Variants in NSD1 observed in about 807,000 individuals in gnomAD.
The protein encoded by NSD1 is histone-lysine N-methyltransferase, H3 lysine-36 specific.
Under a neutral mutation model 242.7 loss-of-function variants are expected in NSD1, and 26 were observed. The ratio of observed to expected loss-of-function variants is 0.11; its 90% CI spans 0.08 to 0.15. The LOEUF (loss-of-function observed/expected upper bound fraction) is 0.15. NSD1 is among the 10% of genes least tolerant of loss of function. NSD1 has a pLI of 1.00. For missense variants in NSD1, 2,495 were observed against 3,272.8 expected, an observed-to-expected ratio of 0.76 and a Z score of 5.80; for synonymous variants, 1,106 against 1,178.1, an observed-to-expected ratio of 0.94 and a Z score of 1.25.
intron 4 of NSD1, among the ~76,000 whole-genome samples, chr5:177,209,347 G>T (rs886210430): frequency 6.6e-6 from 1 of 151,704 alleles, no homozygotes; most frequent in African/African-American, 2.4e-5. Context: ...GGCCAATATG[G>T]TGAAACCCCT....
chr5:177,264,650 C>T, intron 14 of NSD1: 1 of 448,048 alleles, frequency 2.2e-6, no homozygotes, highest in South Asian at 2.1e-5. Flanking sequence ...GAAACACACC[C>T]CTGGCCCCAA....
intron 2 of NSD1, among the ~76,000 whole-genome samples, chr5:177,150,140 A>T (rs908859991): frequency 1.3e-5 from 2 of 149,026 alleles, no homozygotes; most frequent in Non-Finnish European, 3.0e-5. Context: ...TTATTTATTT[A>T]TTTATTTTTT....
chr5:177,166,167 C>G (rs575225203), intron 2 of NSD1, among the ~76,000 whole-genome samples: 2 of 151,374 alleles, frequency 1.3e-5, no homozygotes, highest in Non-Finnish European at 2.9e-5. Context: ...CCCACCTTGG[C>G]CTCCCAAAGT....
chr5:177,268,032 C>T (rs1273749025), intron 15 of NSD1, among the ~76,000 whole-genome samples: 2 of 148,032 alleles, frequency 1.4e-5, no homozygotes, highest in Non-Finnish European at 3.0e-5. Context: ...GGCATATGTA[C>T]TCCCAGACGT....
At chr5:177,133,218 G>C (rs942000387), upstream of NSD1, 4 of 152,804 alleles carry the variant, frequency 2.6e-5, no homozygotes. The surrounding 1 kb of genome is among the most constrained non-coding windows in gnomAD (Gnocchi z 6.2). Flanking sequence ...GCTGAGGGCA[G>C]GTGCCCAGTG....
At chr5:177,218,763 G>T (rs1763998446) in intron 5 of NSD1, among the ~76,000 whole-genome samples, 2 of 151,340 alleles carry the variant, frequency 1.3e-5, no homozygotes, top group South Asian at 2.1e-4. Context: ...AGTAGACAGG[G>T]TTTCACCATG....
chr5:177,300,123 C>G lies in NSD1; in HGVS notation c.*4664C>G, dbSNP rs1760524645. 1 of 220,952 alleles carries G rather than the reference C, an allele frequency of 4.5e-6. No individual in the cohort carries two copies. Among genetic ancestry groups the G allele is most frequent in the Admixed American group, 6.1e-5 (1 of 16,366 alleles). The allele number at this position is 220,952 out of a possible 1,614,324, so 13.7% of individuals were successfully genotyped here. A position where few individuals can be genotyped will look rare whatever the true frequency, so the allele number is the denominator to read the frequency against. On this transcript the variant is annotated 3_prime_UTR_variant, in exon 23 of 23. Transcript: ENST00000439151. ...AAACTCCTAGTGAAAAAGAGGGGAG[C>G]CCTGTGTTAGGAGTCCCCATAAACA...
At chr5:177,235,995 A>T (rs758540634) in intron 6 of NSD1, 50 bp downstream of exon 6, 5 of 1,596,992 alleles carry the variant, frequency 3.1e-6, no homozygotes, top group Non-Finnish European at 4.3e-6. Context: ...GGAAACTGCA[A>T]TTTTATCTTC....
intron 16 of NSD1, 82 bp from the exon 17 acceptor site, chr5:177,273,590 G>A (rs926456903): frequency 9.0e-7 from 1 of 1,111,096 alleles, no homozygotes; most frequent in Non-Finnish European, 1.4e-6. Flanking sequence ...CCAACTTAAA[G>A]GGGAAAAAGT....
chr5:177,183,766 C>G (rs1194965120), intron 2 of NSD1, among the ~76,000 whole-genome samples: 1 of 152,022 alleles, frequency 6.6e-6, no homozygotes, highest in Admixed American at 6.6e-5. Flanking sequence ...TTTTCTTTAA[C>G]CGTCCTCACT....
chr5:177,132,300 G>C (rs1755934399), upstream of NSD1, among the ~76,000 whole-genome samples: 2 of 151,594 alleles, frequency 1.3e-5, no homozygotes, highest in African/African-American at 2.4e-5. The surrounding 1 kb of genome is among the most constrained non-coding windows in gnomAD (Gnocchi z 7.5). Flanking sequence ...GGTGGCACGA[G>C]AGGGCCATCT....
intron 2 of NSD1, among the ~76,000 whole-genome samples, chr5:177,152,022 G>A (rs1390207859): frequency 1.3e-5 from 2 of 151,822 alleles, no homozygotes; most frequent in Admixed American, 6.6e-5. Flanking sequence ...CACCACACCC[G>A]GCTAATTTTT....
Position 177,238,610 on chromosome 5 carries a change from T to C in NSD1, c.4192+103T>C. Reference sequence around the variant, plus strand: ...AAGCCAACATTGTATCTATATACAATAAACTACCCCCTTTTGTCCTGGGAA... The same window carrying C: ...AAGCCAACATTGTATCTATATACAACAAACTACCCCCTTTTGTCCTGGGAA... On this transcript the variant is annotated intron_variant, in intron 7 of 22. Transcript: ENST00000439151. This position sits in a 1 kb window ranked among gnomAD's most constrained non-coding sequence, Gnocchi z 4.6. 1 of 1,297,580 alleles carries C rather than the reference T, an allele frequency of 7.7e-7. No individual in the cohort carries two copies. The highest frequency in any genetic ancestry group is 1.2e-5 in the South Asian group (1 of 84,058). 80.4% of individuals were successfully genotyped at this position (1,297,580 alleles called of 1,614,324 possible). A position where few individuals can be genotyped will look rare whatever the true frequency, so the allele number is the denominator to read the frequency against.
chr5:177,226,767 C>T (rs1055410738), intron 5 of NSD1, among the ~76,000 whole-genome samples: 2 of 151,850 alleles, frequency 1.3e-5, no homozygotes, highest in African/African-American at 4.8e-5. Flanking sequence ...CCAGTCTAAC[C>T]ACCCCCTTTT....
rs764409548 is a variant in NSD1, at chr5:177,210,764, A to G, written c.2365A>G (p.Ser789Gly). Residue 789 changes from serine to glycine, a missense_variant, in exon 5 of 23, where the codon AGT becomes GGT. Physicochemically the swap from Ser to Gly is moderately conservative, Grantham distance 56. Transcript: ENST00000439151. Reference protein sequence around the residue: ...HSKSKQPKFRSIKCKHKENPV... With the variant: ...HSKSKQPKFRGIKCKHKENPV... ...GAAAAGCAAACAGCCCAAGTTCCGA[A>G]GTATAAAGTGCAAACACAAAGAAAA... 5.0e-6 allele frequency: 8 copies of G among 1,614,238 alleles called. No individual in the cohort carries two copies. In the South Asian group the frequency reaches 7.7e-5, roughly 16 times the overall value.
intron 2 of NSD1, among the ~76,000 whole-genome samples, chr5:177,191,227 C>T (rs564990650): frequency 6.6e-6 from 1 of 152,196 alleles, no homozygotes; most frequent in South Asian, 2.1e-4. Flanking sequence ...GCCTCGGCCT[C>T]CCAAAGTGCT....
chr5:177,214,238 A>G (rs148867768), intron 5 of NSD1, among the ~76,000 whole-genome samples: 1,593 of 152,294 alleles, frequency 0.01, 9 homozygotes, highest in Non-Finnish European at 0.016. Flanking sequence ...AGGCTGAGGT[A>G]GGAGAATCAC....
chr5:177,132,760 C>G (rs1390497732), upstream of NSD1, among the ~76,000 whole-genome samples: 1 of 151,570 alleles, frequency 6.6e-6, no homozygotes. The surrounding 1 kb of genome is among the most constrained non-coding windows in gnomAD (Gnocchi z 7.5). Flanking sequence ...CCCGGCTCCC[C>G]AGAGCCGCTC....
At chr5:177,245,015 G>C (rs1244810448) in intron 9 of NSD1, among the ~76,000 whole-genome samples, 3 of 152,146 alleles carry the variant, frequency 2.0e-5, no homozygotes, top group African/African-American at 7.2e-5. Context: ...GTTCCATCCA[G>C]ACCAGGCTCG....
Sources: allele counts gnomAD v4.1 joint callset (sites outside exome capture counted in the v4.1 genomes callset), GRCh38; gene constraint gnomAD v4.1.1; non-coding constraint Gnocchi (gnomAD v3.1); transcripts MANE v1.5; gene names NCBI Gene and HGNC (gene_info 2026-07-23, HGNC 2026-07-21).